Variants in RIMS1 observed in about 807,000 individuals in gnomAD.
RIMS1 encodes the protein regulating synaptic membrane exocytosis protein 1.
A neutral mutation model predicts 214.1 loss-of-function variants in RIMS1; 83 were observed. That is an observed-to-expected ratio of 0.39 (90% CI 0.32 to 0.47). RIMS1 has a LOEUF of 0.47. RIMS1 is among the 20% of genes least tolerant of loss of function. RIMS1 has a pLI of 0.99. For synonymous variants in RIMS1, 793 were observed against 786.8 expected, an observed-to-expected ratio of 1.01 and a Z score of -0.13; for missense variants, 2,050 against 2,161.8, an observed-to-expected ratio of 0.95 and a Z score of 1.03.
At chr6:72,263,432 G>A in intron 19 of RIMS1, 1 of 975,534 alleles carries the variant, frequency 1.0e-6, no homozygotes, top group Non-Finnish European at 1.2e-6. Context: ...CAGGCTTGGA[G>A]ACTTAATCGA....
At chr6:72,382,517 C>A (rs1373435365) in intron 29 of RIMS1, among the ~76,000 whole-genome samples, 2 of 152,144 alleles carry the variant, frequency 1.3e-5, no homozygotes, top group Non-Finnish European at 2.9e-5. Context: ...AAACTACACA[C>A]AATTGTATAT....
intron 2 of RIMS1, among the ~76,000 whole-genome samples, chr6:72,085,551 TA>T (rs1275629983): frequency 5.9e-5 from 9 of 152,298 alleles, no homozygotes; most frequent in African/African-American, 1.7e-4. Context: ...TTGGGATGAT[TA>T]TTTTTATGAA....
At chr6:72,223,124 G>A (rs1185567732) in intron 6 of RIMS1, among the ~76,000 whole-genome samples, 2 of 152,204 alleles carry the variant, frequency 1.3e-5, no homozygotes, top group African/African-American at 4.8e-5. Context: ...TGGCTATAAA[G>A]TTATGAGCGA....
At chr6:72,261,930 C>T (rs913985754) in intron 19 of RIMS1, 2 of 984,460 alleles carry the variant, frequency 2.0e-6, no homozygotes, top group Non-Finnish European at 2.4e-6. Context: ...AAAGCATGAA[C>T]TATCCAGGTT....
At chr6:72,149,889 C>T (rs1008178572) in intron 4 of RIMS1, among the ~76,000 whole-genome samples, 2 of 152,210 alleles carry the variant, frequency 1.3e-5, no homozygotes, top group African/African-American at 4.8e-5. Flanking sequence ...GTATTCTGTG[C>T]TCACCAGGGG....
At chr6:72,218,099 T>C (rs1028611651) in intron 6 of RIMS1, among the ~76,000 whole-genome samples, 1 of 14,214 alleles carries the variant, frequency 7.0e-5, no homozygotes, top group African/African-American at 1.5e-4. Context: ...AATACAGCGG[T>C]TTTTTTGCTT....
chr6:72,091,515 C>G (rs1294551621), intron 2 of RIMS1, among the ~76,000 whole-genome samples: 2 of 152,128 alleles, frequency 1.3e-5, no homozygotes, highest in Non-Finnish European at 2.9e-5. Flanking sequence ...GCATTCATAG[C>G]ATGATATTTA....
intron 4 of RIMS1, among the ~76,000 whole-genome samples, chr6:72,166,315 T>C (rs1036012394): frequency 9.3e-5 from 14 of 151,306 alleles, no homozygotes; most frequent in African/African-American, 2.7e-4. Context: ...TTTTTTTTTT[T>C]AAGAACACTA....
At chr6:72,026,457 C>CT (rs1009249133) in intron 2 of RIMS1, among the ~76,000 whole-genome samples, 3 of 45,720 alleles carry the variant, frequency 6.6e-5, no homozygotes, top group Non-Finnish European at 5.7e-5. Flanking sequence ...CCAGCACCGC[C>CT]CCCCCCCCCA....
chr6:72,192,200 G>A (rs552644866), intron 6 of RIMS1, among the ~76,000 whole-genome samples: 129 of 152,268 alleles, frequency 8.5e-4, no homozygotes, highest in African/African-American at 3.1e-3. Flanking sequence ...ACCTCCATAA[G>A]CCCTTACTTA....
intron 4 of RIMS1, among the ~76,000 whole-genome samples, chr6:72,127,816 T>C (rs1423996913): frequency 6.6e-6 from 1 of 152,252 alleles, no homozygotes; most frequent in African/African-American, 2.4e-5. Flanking sequence ...ATGTGATGCC[T>C]ATCACAGGCA....
At chr6:72,201,709 A>G (rs2052013360) in intron 6 of RIMS1, among the ~76,000 whole-genome samples, 1 of 152,156 alleles carries the variant, frequency 6.6e-6, no homozygotes, top group Admixed American at 6.5e-5. Context: ...CAGTCCTTCT[A>G]CTTATTCTGT....
chr6:72,213,726 G>A (rs777406310), intron 6 of RIMS1, among the ~76,000 whole-genome samples: 3 of 152,094 alleles, frequency 2.0e-5, no homozygotes, highest in Non-Finnish European at 1.5e-5. Flanking sequence ...GGGTTCTTGC[G>A]AAAGTACCAA....
At chr6:71,922,009 T>A (rs1433474995) in intron 1 of RIMS1, among the ~76,000 whole-genome samples, 4 of 152,216 alleles carry the variant, frequency 2.6e-5, no homozygotes, top group African/African-American at 4.8e-5. Context: ...AATCACTATA[T>A]AGAATCCAGT....
chr6:72,322,478 T>C (rs1483317987), intron 28 of RIMS1, among the ~76,000 whole-genome samples: 2 of 152,128 alleles, frequency 1.3e-5, no homozygotes, highest in African/African-American at 4.8e-5. Context: ...TATTCAAAAA[T>C]AAGCAATAAT....
chr6:71,953,738 C>T (rs540508743), intron 1 of RIMS1, among the ~76,000 whole-genome samples: 2 of 152,268 alleles, frequency 1.3e-5, no homozygotes, highest in African/African-American at 4.8e-5. Flanking sequence ...GCTGACTCTC[C>T]AGGATTCTCA....
At chr6:72,391,932 G>A (rs1292592432) in intron 30 of RIMS1, among the ~76,000 whole-genome samples, 1 of 152,146 alleles carries the variant, frequency 6.6e-6, no homozygotes, top group Admixed American at 6.5e-5. Flanking sequence ...CATGGTCTCT[G>A]GATGGGATTA....
chr6:71,986,402 T>C (rs1240539907), intron 2 of RIMS1, among the ~76,000 whole-genome samples: 1 of 152,064 alleles, frequency 6.6e-6, no homozygotes. Flanking sequence ...AAAATGGAGA[T>C]GGTGGAATTA....
intron 2 of RIMS1, among the ~76,000 whole-genome samples, chr6:72,014,943 C>T (rs1812192850): frequency 6.6e-6 from 1 of 152,054 alleles, no homozygotes; most frequent in South Asian, 2.1e-4. Context: ...TAGGTTATTT[C>T]TCTTTTTATT....
Sources: gnomAD v4.1 joint callset for allele counts (sites outside exome capture counted in the v4.1 genomes callset) on GRCh38, gnomAD v4.1.1 for gene constraint, MANE v1.5 for transcripts, NCBI Gene and HGNC (gene_info 2026-07-23, HGNC 2026-07-21) for gene names.